The following FOXP1 variants were observed in gnomAD, a reference collection of about 807,000 sequenced individuals.
FOXP1 encodes forkhead box protein P1.
Under a neutral mutation model 98.2 loss-of-function variants are expected in FOXP1, and 15 were observed. That is an observed-to-expected ratio of 0.15 (90% CI 0.10 to 0.24). The LOEUF is 0.24. FOXP1 is among the 10% of genes least tolerant of loss of function. FOXP1 has a pLI of 1.00. For missense variants in FOXP1, 633 were observed against 848.5 expected (o/e 0.75, Z 3.15); for synonymous variants, 371 against 314.5 (o/e 1.18, Z -1.90).
chr3:70,999,167 G>C (rs1410368258), intron 13 of FOXP1, among the ~76,000 whole-genome samples: 1 of 152,066 alleles, frequency 6.6e-6, no homozygotes, highest in Non-Finnish European at 1.5e-5. Context: ...TTGGCTCACT[G>C]CAACCTCTAC....
intron 6 of FOXP1, among the ~76,000 whole-genome samples, chr3:71,138,575 T>C (rs2059926782): frequency 6.6e-6 from 1 of 152,202 alleles, no homozygotes; most frequent in African/African-American, 2.4e-5. Flanking sequence ...ACCCCAGTTT[T>C]TATAGTAATT....
intron 4 of FOXP1, chr3:71,304,732 G>T (rs2074134147): frequency 6.6e-6 from 1 of 152,170 alleles, no homozygotes; most frequent in Non-Finnish European, 1.5e-5. Context: ...CAGCCTCACT[G>T]TTAATAAATG....
chr3:71,022,317 C>T (rs945509613), intron 11 of FOXP1, among the ~76,000 whole-genome samples: 1 of 151,936 alleles, frequency 6.6e-6, no homozygotes, highest in African/African-American at 2.4e-5. Flanking sequence ...TTTCTTTTTC[C>T]CCAACATACT....
chr3:71,283,487 G>T (rs1181894196), intron 5 of FOXP1, among the ~76,000 whole-genome samples: 4 of 152,210 alleles, frequency 2.6e-5, no homozygotes, highest in Non-Finnish European at 5.9e-5. Flanking sequence ...TCTTGGGCTG[G>T]AGAGGACAGG....
chr3:71,560,614 G>T (rs1011530010), intron 2 of FOXP1, among the ~76,000 whole-genome samples: 3 of 152,196 alleles, frequency 2.0e-5, no homozygotes, highest in Non-Finnish European at 2.9e-5. Context: ...TAAATGTTCA[G>T]AGTAGTATTA....
intron 6 of FOXP1, among the ~76,000 whole-genome samples, chr3:71,191,634 CT>C (rs1276790504): frequency 5.9e-5 from 9 of 152,168 alleles, no homozygotes; most frequent in Non-Finnish European, 5.9e-5. Context: ...TTACATAAAT[CT>C]TTGACAACAA....
intron 4 of FOXP1, among the ~76,000 whole-genome samples, chr3:71,325,915 T>C (rs1426679555): frequency 2.0e-5 from 3 of 152,204 alleles, no homozygotes; most frequent in Non-Finnish European, 4.4e-5. Flanking sequence ...GATGAATGTA[T>C]TCTTTGTATA....
At position 71,538,894 on chromosome 3, in the gene FOXP1, T is replaced by C. The variant is rs950495772; in HGVS notation, c.-298+42655A>G. On this transcript the variant is annotated intron_variant, in intron 2 of 20. Transcript: ENST00000649528. The stretch of plus-strand genomic sequence containing the variant: ...AACTACATTCTTTTGCACGTGAATA[T>C]ACTGTTTTTCTCAGCATCATCTGTT... Among the ~76,000 whole-genome samples, 12 of 152,228 alleles carry C rather than the reference T, an allele frequency of 7.9e-5. 1 individual carries two copies. In the South Asian group the frequency reaches 1.7e-3, roughly 21 times the overall value.
intron 5 of FOXP1, among the ~76,000 whole-genome samples, chr3:71,283,306 C>A (rs1447152437): frequency 1.3e-5 from 2 of 152,138 alleles, no homozygotes; most frequent in Non-Finnish European, 2.9e-5. Context: ...CCCCCAACCC[C>A]CAGCAGCACC....
chr3:71,577,964 GA>G (rs1175741249), intron 2 of FOXP1, among the ~76,000 whole-genome samples: 1 of 151,854 alleles, frequency 6.6e-6, no homozygotes, highest in Admixed American at 6.6e-5. Context: ...AAGAAAAAAA[GA>G]AGGCCAATAT....
chr3:71,285,359 G>A (rs2072002569), intron 5 of FOXP1, among the ~76,000 whole-genome samples: 1 of 152,152 alleles, frequency 6.6e-6, no homozygotes, highest in Non-Finnish European at 1.5e-5. Context: ...ATGCACAGTA[G>A]TTGTCAACCA....
At chr3:71,032,550 G>A (rs186189340) in intron 11 of FOXP1, among the ~76,000 whole-genome samples, 18 of 152,268 alleles carry the variant, frequency 1.2e-4, no homozygotes, top group Non-Finnish European at 2.2e-4. Flanking sequence ...GATTACAAAG[G>A]GGTATGGAAT....
chr3:70,970,855 A>C, intron 18 of FOXP1, 50 bp from the exon 19 acceptor site: 1 of 1,401,812 alleles, frequency 7.1e-7, no homozygotes, highest in Non-Finnish European at 1.0e-6. Context: ...TCGACTGCTG[A>C]GTTCCTAGCT....
In FOXP1 at chr3:70,966,029, G is replaced by T. The variant is rs757267242; in HGVS notation, c.1750C>A (p.Leu584Ile). The change falls in exon 20 of 21, where the codon CTA becomes ATA. Residue 584 changes from leucine to isoleucine, a missense_variant. Around this residue, in one of 6 missense-constraint regions of FOXP1, gnomAD observed 150 missense variants for 163.7 expected, o/e 0.92. Transcript: ENST00000649528. ...QASMAENSIP[L>I]YTTASMGNPT... ...TTTCCCATGGAAGCGGTAGTGTATA[G>T]AGGTATACTATTCTCAGCCATTGAA... 5 of 1,614,018 alleles carry T rather than the reference G, an allele frequency of 3.1e-6. No homozygotes were observed. Among genetic ancestry groups the T allele is most frequent in the Non-Finnish European group, 3.4e-6 (4 of 1,180,004 alleles).
chr3:71,543,569 C>A (rs939011606), intron 2 of FOXP1: 10 of 152,312 alleles, frequency 6.6e-5, no homozygotes, highest in Non-Finnish European at 1.3e-4. Flanking sequence ...TGTGGTAACA[C>A]CCTCAAGCAG....
At position 71,369,369 on chromosome 3, in the gene FOXP1, A is replaced by G. The variant is rs147324557; in HGVS notation, c.-167-10125T>C. 9.4e-3 allele frequency among the ~76,000 whole-genome samples: 1,435 copies of G among 152,116 alleles called. 23 individuals carry two copies. The highest frequency in any genetic ancestry group is 0.031 in the African/African-American group (1,284 of 41,540). On this transcript the variant is annotated intron_variant, in intron 3 of 20. Transcript: ENST00000649528. The stretch of plus-strand genomic sequence containing the variant: ...CACTCCACTGCACTCCAGCCTGGGC[A>G]ACAGAACGAGACTCCGTCTCAAAAA...
At chr3:71,257,508 C>A (rs190553135) in intron 5 of FOXP1, among the ~76,000 whole-genome samples, 16 of 151,534 alleles carry the variant, frequency 1.1e-4, no homozygotes, top group African/African-American at 3.6e-4. Context: ...TTGCTTGAAC[C>A]CAGGAGGCGG....
intron 6 of FOXP1, among the ~76,000 whole-genome samples, chr3:71,114,715 G>C (rs191124570): frequency 6.6e-6 from 1 of 152,108 alleles, no homozygotes; most frequent in Non-Finnish European, 1.5e-5. Flanking sequence ...AGACAGATTC[G>C]ACAAGGCCTG....
rs553622298 is a variant in FOXP1, at chr3:71,547,532, A to G, written c.-298+34017T>C. ...GGCTCTGAATACCACTAGGGAACCA[A>G]TGTCACCCAGCAAGGGCCACTCAGA... On this transcript the variant is annotated intron_variant, in intron 2 of 20. Coordinates refer to ENST00000649528, the MANE Select transcript of FOXP1 (RefSeq NM_001349338.3). Among the ~76,000 whole-genome samples, 5 of 152,310 alleles carry G rather than the reference A, an allele frequency of 3.3e-5. No individual in the cohort carries two copies. In the South Asian group the frequency reaches 6.2e-4, roughly 19 times the overall value.
Sources: gnomAD v4.1 joint callset for allele counts (sites outside exome capture counted in the v4.1 genomes callset) on GRCh38, gnomAD v4.1.1 for gene constraint, gnomAD v4.1.1 regional missense constraint, MANE v1.5 for transcripts, NCBI Gene and HGNC (gene_info 2026-07-23, HGNC 2026-07-21) for gene names.